The following SMAP1 variants were observed in gnomAD, a reference collection of about 807,000 sequenced individuals.
SMAP1 encodes small ArfGAP 1, also known as stromal membrane-associated protein 1.
A neutral mutation model predicts 58.5 loss-of-function variants in SMAP1; 24 were observed. The ratio of observed to expected loss-of-function variants is 0.41; its 90% CI spans 0.30 to 0.58. The LOEUF is 0.58. Among genes scored for constraint, SMAP1 ranks in the 20% least tolerant of loss-of-function variants. The pLI, the probability that SMAP1 is intolerant of heterozygous loss-of-function variation, is 0.29. For synonymous variants in SMAP1, 216 were observed against 196.6 expected (o/e 1.10, Z -0.82); for missense variants, 563 against 566.3 (o/e 0.99, Z 0.06).
intron 3 of SMAP1, among the ~76,000 whole-genome samples, chr6:70,767,826 G>A (rs1037733353): frequency 2.6e-4 from 36 of 136,972 alleles, no homozygotes; most frequent in African/African-American, 9.6e-4. Flanking sequence ...CCTGTCTTGT[G>A]CCCGTTTTCA....
intron 6 of SMAP1, among the ~76,000 whole-genome samples, chr6:70,819,959 A>T (rs12173654): frequency 6.6e-6 from 1 of 152,190 alleles, no homozygotes; most frequent in Non-Finnish European, 1.5e-5. Context: ...ATAAGGCTCT[A>T]TAGGATAGTG....
intron 6 of SMAP1, among the ~76,000 whole-genome samples, chr6:70,836,713 A>G (rs958866787): frequency 6.6e-6 from 1 of 152,194 alleles, no homozygotes; most frequent in African/African-American, 2.4e-5. Context: ...TAAGAGTTAA[A>G]TTGTTTTATT....
At chr6:70,745,960 T>C (rs1355823958) in intron 2 of SMAP1, among the ~76,000 whole-genome samples, 5 of 152,172 alleles carry the variant, frequency 3.3e-5, no homozygotes, top group Non-Finnish European at 5.9e-5. Flanking sequence ...TCACTCATGA[T>C]TTGGCTCTCT....
chr6:70,783,256 G>GA (rs1486447136), intron 4 of SMAP1, among the ~76,000 whole-genome samples: 9 of 152,144 alleles, frequency 5.9e-5, no homozygotes, highest in Non-Finnish European at 1.2e-4. Context: ...CTGTTAGAAG[G>GA]AAAACTAACA....
At chr6:70,804,072 G>A (rs10455229) in intron 6 of SMAP1, among the ~76,000 whole-genome samples, 70,556 of 151,928 alleles carry the variant, frequency 0.46, 16,746 homozygotes, top group Non-Finnish European at 0.52. Flanking sequence ...TGATCTGTCT[G>A]ACATTGACAG....
intron 6 of SMAP1, among the ~76,000 whole-genome samples, chr6:70,827,790 A>C (rs1484637451): frequency 6.6e-6 from 1 of 152,226 alleles, no homozygotes; most frequent in African/African-American, 2.4e-5. Flanking sequence ...TTGGGGCGGT[A>C]GTGTCCATAG....
intron 6 of SMAP1, among the ~76,000 whole-genome samples, chr6:70,835,258 A>C (rs1438071752): frequency 2.6e-5 from 4 of 151,310 alleles, no homozygotes; most frequent in Non-Finnish European, 5.9e-5. Flanking sequence ...TCTCAAAAAA[A>C]AAAAAAAAAA....
chr6:70,693,368 A>G lies in SMAP1; in HGVS notation c.118+25227A>G, dbSNP rs563872872. On this transcript the variant is annotated intron_variant, in intron 1 of 10. Transcript: ENST00000370455. ...CACCAGGCTGGAGTGCAGTGGTGCA[A>G]TCTCTGCTCACTGCAACCTCTGCCT... Among the ~76,000 whole-genome samples the G allele has an allele frequency of 1.2e-3, 178 of 143,732 alleles. 1 individual carries two copies. The highest frequency in any genetic ancestry group is 4.4e-3 in the African/African-American group (171 of 38,476). The allele number at this position is 143,732 out of a possible 152,430, so 94.3% of individuals were successfully genotyped here.
chr6:70,703,541 T>G (rs144821246), intron 1 of SMAP1, among the ~76,000 whole-genome samples: 5 of 152,356 alleles, frequency 3.3e-5, no homozygotes, highest in African/African-American at 1.2e-4. Flanking sequence ...ACTACAGGAC[T>G]TTATAGAATT....
intron 6 of SMAP1, among the ~76,000 whole-genome samples, chr6:70,833,951 C>T (rs769721253): frequency 1.3e-5 from 2 of 152,208 alleles, no homozygotes; most frequent in Non-Finnish European, 2.9e-5. Flanking sequence ...ATACAGTTTC[C>T]TATGAAAATG....
chr6:70,702,743 A>G (rs1457631603), intron 1 of SMAP1, among the ~76,000 whole-genome samples: 5 of 150,746 alleles, frequency 3.3e-5, no homozygotes, highest in Non-Finnish European at 7.4e-5. Context: ...CCATTGTCCC[A>G]CCTCAGCCTC....
intron 4 of SMAP1, among the ~76,000 whole-genome samples, chr6:70,788,415 C>T (rs1208367438): frequency 2.6e-5 from 4 of 151,728 alleles, no homozygotes; most frequent in Non-Finnish European, 4.4e-5. Flanking sequence ...CAAACCTGCA[C>T]ATTGTGCGCA....
At chr6:70,764,015 C>A (rs1766860056) in intron 3 of SMAP1, among the ~76,000 whole-genome samples, 1 of 152,012 alleles carries the variant, frequency 6.6e-6, no homozygotes, top group African/African-American at 2.4e-5. Context: ...TGGGCTCAAG[C>A]GATCGTTCTG....
At chr6:70,732,582 A>T (rs558036032) in intron 2 of SMAP1, 71 bp downstream of exon 2, 2 of 1,289,718 alleles carry the variant, frequency 1.6e-6, no homozygotes, top group Admixed American at 6.3e-5. Flanking sequence ...CCCTTCTTGC[A>T]TCTAAGGATT....
At chr6:70,770,649 T>C (rs1406199676) in intron 3 of SMAP1, among the ~76,000 whole-genome samples, 1 of 152,190 alleles carries the variant, frequency 6.6e-6, no homozygotes, top group Non-Finnish European at 1.5e-5. Flanking sequence ...TCTACATTCG[T>C]CTGAATTTTT....
At chr6:70,756,309 C>A (rs991236342) in intron 3 of SMAP1, among the ~76,000 whole-genome samples, 4 of 152,002 alleles carry the variant, frequency 2.6e-5, no homozygotes, top group Non-Finnish European at 4.4e-5. Flanking sequence ...TCTTTTCTCA[C>A]ACAGAGATAT....
intron 6 of SMAP1, among the ~76,000 whole-genome samples, chr6:70,834,482 AAG>A (rs1770489796): frequency 6.6e-6 from 1 of 152,118 alleles, no homozygotes; most frequent in Non-Finnish European, 1.5e-5. Flanking sequence ...TGCGGAATGA[AAG>A]TGTTTGGCCA....
chr6:70,705,252 ATT>A (rs869145071), intron 1 of SMAP1, among the ~76,000 whole-genome samples: 194 of 137,984 alleles, frequency 1.4e-3, no homozygotes, highest in African/African-American at 4.1e-3. Flanking sequence ...GTTCATTATG[ATT>A]TTTTTTTTTT....
At chr6:70,841,815 G>C (rs1421357927) in intron 7 of SMAP1, among the ~76,000 whole-genome samples, 2 of 152,180 alleles carry the variant, frequency 1.3e-5, no homozygotes, top group Non-Finnish European at 2.9e-5. Flanking sequence ...TAAGCCATTA[G>C]TATATAACCC....
Sources: gnomAD v4.1 joint callset for allele counts (sites outside exome capture counted in the v4.1 genomes callset) on GRCh38, gnomAD v4.1.1 for gene constraint, MANE v1.5 for transcripts, NCBI Gene and HGNC (gene_info 2026-07-23, HGNC 2026-07-21) for gene names.